The following ADAMTSL3 variants were observed in gnomAD, a reference collection of about 807,000 sequenced individuals.
ADAMTSL3 encodes ADAMTS like 3.
Under a neutral mutation model 201.7 loss-of-function variants are expected in ADAMTSL3, and 128 were observed. The ratio of observed to expected loss-of-function variants is 0.63; its 90% CI spans 0.55 to 0.73. The LOEUF (loss-of-function observed/expected upper bound fraction) is 0.73, where lower values mean the gene tolerates loss of function less well. Ranked by LOEUF, ADAMTSL3 falls within the 30% of genes least tolerant of loss-of-function variation. The probability of loss-of-function intolerance (pLI) is 0.00; values close to 1 mark genes in which losing one functional copy is unlikely to be tolerated. For missense variants in ADAMTSL3, 1,990 were observed against 2,119.6 expected, an observed-to-expected ratio of 0.94 and a Z score of 1.20; for synonymous variants, 738 against 748.4, an observed-to-expected ratio of 0.99 and a Z score of 0.23.
rs990860956 is a variant in ADAMTSL3, at chr15:83,702,942, G to A, written c.70-1447G>A. Among the ~76,000 whole-genome samples, 8 of 152,122 alleles carry A rather than the reference G, an allele frequency of 5.3e-5. No individual in the cohort carries two copies. The South Asian group carries it at 6.2e-4, about 12-fold the overall frequency. On this transcript the variant is annotated intron_variant, in intron 2 of 29. Transcript: ENST00000286744. ...CCTCGAAGAGCCACAGACATTCAAC[G>A]CCTGCCTGTGAAAACAGCTGGGAGA...
chr15:83,687,547 C>T (rs1055873642), intron 2 of ADAMTSL3, among the ~76,000 whole-genome samples: 2 of 152,066 alleles, frequency 1.3e-5, no homozygotes, highest in African/African-American at 2.4e-5. Context: ...ATCACTCAGA[C>T]CACAGCTAGC....
At chr15:83,680,753 G>T (rs2061466915) in intron 2 of ADAMTSL3, among the ~76,000 whole-genome samples, 2 of 151,224 alleles carry the variant, frequency 1.3e-5, no homozygotes, top group African/African-American at 2.4e-5. Context: ...ACCTTTTCTG[G>T]TGCTTTAAGA....
chr15:83,719,565 T>C (rs1393177414), intron 3 of ADAMTSL3, among the ~76,000 whole-genome samples: 1 of 152,212 alleles, frequency 6.6e-6, no homozygotes, highest in Non-Finnish European at 1.5e-5. Context: ...ATTTTATGAA[T>C]ACACATAAAA....
intron 7 of ADAMTSL3, 138 bp downstream of exon 7, chr15:83,838,353 TC>T: frequency 8.4e-7 from 1 of 1,195,888 alleles, no homozygotes. Context: ...AAGTGAAATT[TC>T]TTCCAAGAAG....
rs531034846 is a variant in ADAMTSL3, at chr15:83,897,349, G to A, written c.1468-509G>A. ...CATCTATAGTATTTTTTTCTATAGC[G>A]TTTGGCTGAATACTCTTTGATGGCC... is the stretch of plus-strand genomic sequence containing the variant. On this transcript the variant is annotated intron_variant, in intron 13 of 29. Coordinates refer to ENST00000286744, the MANE Select transcript of ADAMTSL3 (RefSeq NM_207517.3). Among the ~76,000 whole-genome samples, 8 of 152,108 alleles carry A rather than the reference G, an allele frequency of 5.3e-5. No homozygotes were observed. In the East Asian group the frequency reaches 5.8e-4, roughly 11 times the overall value.
intron 7 of ADAMTSL3, among the ~76,000 whole-genome samples, chr15:83,849,098 T>G (rs1425198384): frequency 6.6e-6 from 1 of 152,124 alleles, no homozygotes; most frequent in African/African-American, 2.4e-5. Context: ...AGCGACACCA[T>G]AAGATGGGAT....
chr15:83,657,143 A>G (rs916457222), intron 2 of ADAMTSL3, among the ~76,000 whole-genome samples: 16 of 152,234 alleles, frequency 1.1e-4, no homozygotes, highest in Non-Finnish European at 2.2e-4. Context: ...TTTCTGTCTC[A>G]TCAGCGGATC....
chr15:83,946,912 CCT>C (rs2066665456), intron 19 of ADAMTSL3, among the ~76,000 whole-genome samples: 1 of 152,140 alleles, frequency 6.6e-6, no homozygotes. Flanking sequence ...CTAGGAAGCC[CCT>C]ATCTGGGAGG....
intron 17 of ADAMTSL3, among the ~76,000 whole-genome samples, chr15:83,936,021 G>T (rs1235771219): frequency 6.6e-6 from 1 of 151,998 alleles, no homozygotes; most frequent in African/African-American, 2.4e-5. Flanking sequence ...TATTCATTAA[G>T]AAGGAAAATG....
At chr15:83,661,522 G>A (rs1421459753) in intron 2 of ADAMTSL3, among the ~76,000 whole-genome samples, 4 of 151,974 alleles carry the variant, frequency 2.6e-5, no homozygotes, top group Non-Finnish European at 5.9e-5. Context: ...GGATTCCTAG[G>A]TATTTTATTC....
chr15:83,672,282 A>G (rs59499534), intron 2 of ADAMTSL3, among the ~76,000 whole-genome samples: 10,443 of 152,286 alleles, frequency 0.069, 566 homozygotes, highest in East Asian at 0.18. Context: ...TTAGAATGCA[A>G]AAATAAGGTG....
At chr15:83,697,975 C>T (rs1386681758) in intron 2 of ADAMTSL3, among the ~76,000 whole-genome samples, 1 of 151,988 alleles carries the variant, frequency 6.6e-6, no homozygotes, top group Admixed American at 6.6e-5. Context: ...CTTCTAGCAC[C>T]CAGGAAATTC....
chr15:83,713,601 C>T (rs927426887), intron 3 of ADAMTSL3, among the ~76,000 whole-genome samples: 4 of 152,068 alleles, frequency 2.6e-5, no homozygotes, highest in African/African-American at 4.8e-5. Flanking sequence ...GACTATGTCA[C>T]ATATGAACTC....
chr15:83,851,185 C>G (rs906935849), intron 7 of ADAMTSL3, among the ~76,000 whole-genome samples: 6 of 152,244 alleles, frequency 3.9e-5, no homozygotes, highest in African/African-American at 1.4e-4. Context: ...ATGTATGAAA[C>G]TTTAGTGGAG....
Position 83,943,051 on chromosome 15 carries a change from CT to C in ADAMTSL3, c.2460del (p.Pro821HisfsTer3). 1 of 1,613,696 alleles carries C rather than the reference CT, an allele frequency of 6.2e-7. No individual in the cohort carries two copies. Among genetic ancestry groups the C allele is most frequent in the Non-Finnish European group, 8.5e-7 (1 of 1,179,780 alleles). On this transcript the variant is annotated frameshift_variant, in exon 19 of 30. Transcript: ENST00000286744. LOFTEE classifies it high-confidence loss of function. ...AAGTCCTGTGCCAGGACAGACTGTC[CT>C]CCACATTTAGCTGTGGGAGACTGGT... is the stretch of plus-strand genomic sequence containing the variant. Reference protein sequence around the residue: ...SHKSCARTDCPPHLAVGDWSK... With the variant: ...SHKSCARTDCXPHLAVGDWSK...
In ADAMTSL3 at chr15:83,858,938, A is replaced by C; in HGVS notation, c.802+98A>C. On this transcript the variant is annotated intron_variant, in intron 8 of 29. Transcript: ENST00000286744. ...AAACCCACAAACCAAACCAACAAGC[A>C]AAAAAACTTTCTCTAAGTTAATGGG... The C allele has an allele frequency of 3.8e-6, 4 of 1,039,678 alleles. No individual in the cohort carries two copies. The South Asian group carries it at 6.0e-5, about 16-fold the overall frequency. 64.4% of individuals were successfully genotyped at this position (1,039,678 alleles called of 1,614,324 possible).
At chr15:83,716,382 C>T (rs531300258) in intron 3 of ADAMTSL3, among the ~76,000 whole-genome samples, 51 of 151,530 alleles carry the variant, frequency 3.4e-4, no homozygotes, top group South Asian at 3.1e-3. Context: ...CTAGGCATGG[C>T]GGCAGGCGCC....
intron 16 of ADAMTSL3, among the ~76,000 whole-genome samples, chr15:83,922,495 A>C (rs1488125965): frequency 6.6e-6 from 1 of 152,238 alleles, no homozygotes; most frequent in East Asian, 1.9e-4. Flanking sequence ...TTTAAAAAAA[A>C]TGAAACATAC....
chr15:83,772,177 A>T (rs981488471), intron 3 of ADAMTSL3, among the ~76,000 whole-genome samples: 4 of 152,148 alleles, frequency 2.6e-5, no homozygotes, highest in African/African-American at 9.7e-5. Flanking sequence ...ATAGGTATTT[A>T]TGCCACTAGA....
Sources: allele counts gnomAD v4.1 joint callset (sites outside exome capture counted in the v4.1 genomes callset), GRCh38; gene constraint gnomAD v4.1.1; transcripts MANE v1.5; gene names NCBI Gene and HGNC (gene_info 2026-07-23, HGNC 2026-07-21).